The following TMIGD3 variants were observed in gnomAD, a reference collection of about 807,000 sequenced individuals.
TMIGD3 encodes AD026 protein (AD026).
TMIGD3 carries 21 observed loss-of-function variants against 28.1 expected under a neutral mutation model. That is an observed-to-expected ratio of 0.75 (90% CI 0.53 to 1.08). TMIGD3 has a LOEUF of 1.08. Among genes scored for constraint, TMIGD3 ranks in the 50% least tolerant of loss-of-function variants. The probability of loss-of-function intolerance (pLI) is 0.00; values close to 1 mark genes in which losing one functional copy is unlikely to be tolerated. For synonymous variants in TMIGD3, 151 were observed against 162.1 expected, an observed-to-expected ratio of 0.93 and a Z score of 0.52; for missense variants, 416 against 435.6, an observed-to-expected ratio of 0.96 and a Z score of 0.40.
intron 1 of TMIGD3, among the ~76,000 whole-genome samples, chr1:111,522,387 C>T (rs930700044): frequency 1.3e-5 from 2 of 152,220 alleles, no homozygotes; most frequent in African/African-American, 2.4e-5. Flanking sequence ...ATCTTACAAT[C>T]TACGAACACA....
At chr1:111,488,049 C>T (rs1249558300) in intron 3 of TMIGD3, among the ~76,000 whole-genome samples, 1 of 152,134 alleles carries the variant, frequency 6.6e-6, no homozygotes, top group Admixed American at 6.5e-5. Context: ...TAGCAATCCA[C>T]CCACCTCAGC....
intron 1 of TMIGD3, among the ~76,000 whole-genome samples, chr1:111,493,229 T>C (rs1164845025): frequency 6.6e-6 from 1 of 152,162 alleles, no homozygotes; most frequent in East Asian, 1.9e-4. Flanking sequence ...TTTGATCCCC[T>C]ATGTTGGAGG....
chr1:111,509,188 G>C (rs1655611837), intron 1 of TMIGD3, among the ~76,000 whole-genome samples: 2 of 152,312 alleles, frequency 1.3e-5, no homozygotes, highest in South Asian at 2.1e-4. Context: ...GGAGGGATTT[G>C]CCAGTAGGGG....
chr1:111,528,594 T>C (rs1297433176), intron 1 of TMIGD3, among the ~76,000 whole-genome samples: 1 of 152,196 alleles, frequency 6.6e-6, no homozygotes, highest in East Asian at 1.9e-4. Flanking sequence ...TTCAGAACTA[T>C]AGATATAGTT....
intron 1 of TMIGD3, among the ~76,000 whole-genome samples, chr1:111,524,934 T>C (rs1451693710): frequency 1.3e-5 from 2 of 152,226 alleles, no homozygotes; most frequent in Non-Finnish European, 2.9e-5. Flanking sequence ...ATTTACCTTT[T>C]GATTTTTTCT....
At chr1:111,561,148 G>A (rs1260516613) in intron 1 of TMIGD3, among the ~76,000 whole-genome samples, 1 of 152,142 alleles carries the variant, frequency 6.6e-6, no homozygotes, top group East Asian at 1.9e-4. Flanking sequence ...TTTTGAGACA[G>A]GGTCTCCCTC....
intron 3 of TMIGD3, among the ~76,000 whole-genome samples, chr1:111,487,872 CG>C (rs1437000425): frequency 6.6e-6 from 1 of 152,118 alleles, no homozygotes; most frequent in East Asian, 1.9e-4. Context: ...GGTGCAATCA[CG>C]GCTCACTGCA....
rs1318375891 is a variant in TMIGD3, at chr1:111,490,734, T to C, written c.379A>G (p.Ile127Val). ...RFRIPGLPGC[I>V]LSFQLKVCFL... ...CAAACTTTCAACTGGAATGATAGAA[T>C]GCACCCAGGGAGCCCAGGAATTCTG... The change falls in exon 2 of 6, where the codon ATT becomes GTT. Residue 127 changes from isoleucine (I) to valine (V), a missense_variant. Transcript: ENST00000369716. 1.2e-6 allele frequency: 2 copies of C among 1,613,966 alleles called. No individual in the cohort carries two copies. Among genetic ancestry groups the C allele is most frequent in the Non-Finnish European group, 1.7e-6 (2 of 1,179,958 alleles).
upstream of TMIGD3, chr1:111,503,669 C>G (rs913091034): frequency 9.1e-7 from 1 of 1,104,188 alleles, no homozygotes; most frequent in African/African-American, 1.6e-5. Context: ...GTTCCCCAAA[C>G]AGATGTCCTC....
chr1:111,545,192 G>A (rs1656990349), intron 1 of TMIGD3, among the ~76,000 whole-genome samples: 2 of 152,170 alleles, frequency 1.3e-5, no homozygotes, highest in African/African-American at 2.4e-5. Context: ...ACTTTTTGAG[G>A]AGCTACCAAA....
intron 1 of TMIGD3, among the ~76,000 whole-genome samples, chr1:111,520,754 C>T (rs1383225277): frequency 3.9e-5 from 6 of 152,202 alleles, no homozygotes; most frequent in Non-Finnish European, 5.9e-5. Context: ...CTACATTGTA[C>T]ATAGCAATGG....
At position 111,503,045 on chromosome 1, in the gene TMIGD3, T is replaced by C. The variant is rs1308895259; in HGVS notation, c.310A>G (p.Ile104Val). 2.5e-6 allele frequency: 4 copies of C among 1,614,216 alleles called. No homozygotes were observed. Among genetic ancestry groups the C allele is most frequent in the African/African-American group, 1.3e-5 (1 of 75,052 alleles). ...ACCCGCAAGTATCGGTCCACAGCGA[T>C]GGCCAGCAAGGACATGATGGAGGCG... ...THASIMSLLA[I>V]AVDRYLRVKL... Residue 104 changes from isoleucine (I) to valine (V), a missense_variant, in exon 1 of 6, where the codon ATC (isoleucine) becomes GTC (valine). Ile to Val is a conservative substitution (Grantham distance 29). Transcript: ENST00000369716.
At position 111,503,445 on chromosome 1, in the gene TMIGD3, C is replaced by T; in HGVS notation, c.-91G>A. ...GGGCCTAGCTCTCGCCAGACGTCTT[C>T]CCAGAGGTCCATGTGCAGTGACAGT... On this transcript the variant is annotated 5_prime_UTR_variant, in exon 1 of 6. Coordinates refer to ENST00000369716, the MANE Select transcript of TMIGD3 (RefSeq NM_020683.7). 6.7e-7 allele frequency: 1 copy of T among 1,488,826 alleles called. No homozygotes were observed. The highest frequency in any genetic ancestry group is 1.4e-5 in the South Asian group (1 of 73,948). 92.2% of individuals were successfully genotyped at this position (1,488,826 alleles called of 1,614,324 possible).
chr1:111,489,600 G>A (rs547090404), intron 2 of TMIGD3: 23 of 1,132,582 alleles, frequency 2.0e-5, no homozygotes, highest in Admixed American at 1.1e-4. Flanking sequence ...CTGGCCTAAG[G>A]GTGGGTGAAA....
chr1:111,498,457 CA>C (rs1332489360), intron 1 of TMIGD3, among the ~76,000 whole-genome samples: 1 of 152,136 alleles, frequency 6.6e-6, no homozygotes, highest in Non-Finnish European at 1.5e-5. Flanking sequence ...GTAGCTAAGG[CA>C]AAAATCTGGA....
intron 1 of TMIGD3, chr1:111,499,564 C>T: frequency 9.8e-7 from 1 of 1,022,098 alleles, no homozygotes. Flanking sequence ...CTGCTCAATT[C>T]CACAATGGTA....
intron 4 of TMIGD3, among the ~76,000 whole-genome samples, chr1:111,486,126 G>A (rs1654354975): frequency 6.6e-6 from 1 of 152,096 alleles, no homozygotes; most frequent in Admixed American, 6.5e-5. Flanking sequence ...CTTGAATGGG[G>A]GAGAAATAAA....
At chr1:111,514,272 C>T (rs1031976177) in intron 1 of TMIGD3, among the ~76,000 whole-genome samples, 2 of 152,064 alleles carry the variant, frequency 1.3e-5, no homozygotes, top group Non-Finnish European at 1.5e-5. Context: ...CTGGGATGTG[C>T]GGCAGCTCAC....
At chr1:111,483,807 C>A (rs1204313096) in intron 5 of TMIGD3, 50 bp from the exon 6 acceptor site, 2 of 1,467,056 alleles carry the variant, frequency 1.4e-6, no homozygotes, top group South Asian at 2.3e-5. Context: ...TATTGCCTAC[C>A]CCTGAAGAGT....
Sources: gnomAD v4.1 joint callset for allele counts (sites outside exome capture counted in the v4.1 genomes callset) on GRCh38, gnomAD v4.1.1 for gene constraint, MANE v1.5 for transcripts, NCBI Gene and HGNC (gene_info 2026-07-23, HGNC 2026-07-21) for gene names.